Variants in DYNC1H1 observed in about 807,000 individuals in gnomAD.
The protein encoded by DYNC1H1 is cytoplasmic dynein 1 heavy chain 1.
Under a neutral mutation model 527.1 loss-of-function variants are expected in DYNC1H1, and 51 were observed. That is an observed-to-expected ratio of 0.10 (90% CI 0.08 to 0.12). The LOEUF is 0.12. Ranked by LOEUF, DYNC1H1 falls within the 10% of genes least tolerant of loss-of-function variation. The probability of loss-of-function intolerance (pLI) is 1.00; values close to 1 mark genes in which losing one functional copy is unlikely to be tolerated. For missense variants in DYNC1H1, 2,771 were observed against 5,971.8 expected, an observed-to-expected ratio of 0.46 and a Z score of 17.66; for synonymous variants, 2,189 against 2,278.8, an observed-to-expected ratio of 0.96 and a Z score of 1.12.
rs2047640292 is a variant in DYNC1H1, at chr14:101,964,612, C to T, written c.-80C>T. 2 of 1,532,680 alleles carry T rather than the reference C, an allele frequency of 1.3e-6. No individual in the cohort carries two copies. The highest frequency in any genetic ancestry group is 1.2e-5 in the South Asian group (1 of 83,976). The allele number at this position is 1,532,680 out of a possible 1,614,324, so 94.9% of individuals were successfully genotyped here. On this transcript the variant is annotated 5_prime_UTR_variant, in exon 1 of 78. Transcript: ENST00000360184. This position sits in a 1 kb window ranked among gnomAD's most constrained non-coding sequence, Gnocchi z 5.5. ...TAGCGGACGGTCCGGCTTCCGGCGG[C>T]CGTTTCTGTCTCTTGCTGGCTGTCT...
intron 41 of DYNC1H1, 65 bp from the exon 42 acceptor site, chr14:102,019,823 TTTACC>T (rs2048365087): frequency 2.5e-6 from 4 of 1,597,456 alleles, no homozygotes; most frequent in Non-Finnish European, 3.4e-6. Context: ...TTTGCCACAT[TTTACC>T]TTTTGACCAC....
Position 102,045,154 on chromosome 14 carries a change from TTAGG to T in DYNC1H1, c.13006+458_13006+461del. 3 of 226,140 alleles carry T rather than the reference TTAGG, an allele frequency of 1.3e-5. No homozygotes were observed. The South Asian group carries it at 1.9e-4, about 14-fold the overall frequency. The allele number at this position is 226,140 out of a possible 1,614,324, so 14.0% of individuals were successfully genotyped here. A position where few individuals can be genotyped will look rare whatever the true frequency, so the allele number is the denominator to read the frequency against. ...CTCGTCTCTACTAAAAATACAAAAA[TTAGG>T]TGAGCATGGTGGCAGGCACCTGTAA... On this transcript the variant is annotated intron_variant, in intron 72 of 77. Coordinates refer to ENST00000360184, the MANE Select transcript of DYNC1H1 (RefSeq NM_001376.5).
chr14:101,976,026 G>C (rs957929891), intron 2 of DYNC1H1, among the ~76,000 whole-genome samples: 2 of 151,234 alleles, frequency 1.3e-5, no homozygotes, highest in African/African-American at 4.9e-5. Flanking sequence ...TCCTGCCTCA[G>C]CCTTCCAGGT....
intron 29 of DYNC1H1, 94 bp downstream of exon 29, chr14:102,008,431 G>C: frequency 6.6e-7 from 1 of 1,509,656 alleles, no homozygotes; most frequent in South Asian, 1.2e-5. Flanking sequence ...AAATAAGCAA[G>C]AATTTAGCTC....
chr14:101,974,898 C>A (rs1000478969), intron 1 of DYNC1H1, among the ~76,000 whole-genome samples: 3 of 152,194 alleles, frequency 2.0e-5, no homozygotes, highest in Admixed American at 1.3e-4. Flanking sequence ...GTGGTCTCTG[C>A]CTTCCAAGAG....
chr14:102,048,339 G>T, intron 73 of DYNC1H1, 177 bp from the exon 74 acceptor site: 1 of 908,016 alleles, frequency 1.1e-6, no homozygotes. Flanking sequence ...GGGTTTCTGA[G>T]CAGCCTCAGC....
rs2152603300 is a variant in DYNC1H1 at position 102,054,353 on chromosome 14, G to C, written c.*3790G>C. 6.6e-6 allele frequency: 1 copy of C among 152,330 alleles called. No homozygotes were observed. Among genetic ancestry groups the C allele is most frequent in the East Asian group, 1.9e-4 (1 of 5,174 alleles). 9.4% of individuals were successfully genotyped at this position (152,330 alleles called of 1,614,324 possible). On this transcript the variant is annotated 3_prime_UTR_variant, in exon 78 of 78. Coordinates refer to ENST00000360184, the MANE Select transcript of DYNC1H1 (RefSeq NM_001376.5). ...TCCAGGGCCTGAAGGGCGTTCTGGG[G>C]AGCCTCCACCTTCACACCGAAGGCC...
chr14:102,049,531 G>A lies in DYNC1H1; in HGVS notation c.13464G>A (p.Gln4488=). The A allele has an allele frequency of 1.2e-6, 2 of 1,614,180 alleles. No individual in the cohort carries two copies. The highest frequency in any genetic ancestry group is 1.3e-5 in the African/African-American group (1 of 75,062). ...WVSDFSERIK[Q]LQNISLAAAS... is the part of the protein sequence containing the mutation. ...CCGACTTCAGCGAGAGGATCAAACA[G>A]CTGCAGAACATCTCACTGGCAGCTG... The change falls in exon 75 of 78, where the codon CAG becomes CAA. Residue 4488 remains glutamine (Q), a synonymous_variant. Transcript: ENST00000360184. This position sits in a 1 kb window ranked among gnomAD's most constrained non-coding sequence, Gnocchi z 5.5.
intron 11 of DYNC1H1, among the ~76,000 whole-genome samples, chr14:101,992,478 G>A (rs1445959444): frequency 3.3e-5 from 5 of 152,106 alleles, no homozygotes; most frequent in South Asian, 2.1e-4. Context: ...TTAACCAGCC[G>A]TGTTTCTATT....
chr14:102,050,809 C>G lies in DYNC1H1; in HGVS notation c.*246C>G. On this transcript the variant is annotated 3_prime_UTR_variant, in exon 78 of 78. Transcript: ENST00000360184. ...TAAGCATGAGCCGGCTCCGCCTCTT[C>G]TGTCTCCGCTTTCATCCCAGGGCAC... 1.9e-6 allele frequency: 1 copy of G among 513,270 alleles called. No individual in the cohort carries two copies. Among genetic ancestry groups the G allele is most frequent in the Admixed American group, 3.0e-5 (1 of 32,940 alleles). The allele number at this position is 513,270 out of a possible 1,614,324, so 31.8% of individuals were successfully genotyped here.
intron 23 of DYNC1H1, among the ~76,000 whole-genome samples, chr14:102,004,010 G>C (rs1340614044): frequency 6.6e-6 from 1 of 151,984 alleles, no homozygotes; most frequent in African/African-American, 2.4e-5. Flanking sequence ...GGGTGGCCGA[G>C]GCGGGCGGAT....
chr14:102,033,019 T>TG lies in DYNC1H1; in HGVS notation c.10080-45dup. On this transcript the variant is annotated intron_variant, in intron 52 of 77. Transcript: ENST00000360184. The surrounding 1 kb of genome is among the most constrained non-coding windows in gnomAD (Gnocchi z 5.6). The stretch of plus-strand genomic sequence containing the variant: ...TTTTAATTTTATGAAAACTCTTCCT[T>TG]GCTTTTGTCCTGCATGTGTTTAGAA... The TG allele has an allele frequency of 6.3e-7, 1 of 1,580,948 alleles. No homozygotes were observed.
In DYNC1H1 at chr14:102,036,804, C is replaced by A; in HGVS notation, c.10908+162C>A. ...ATAAATTCAACAGAATCATTATTTG[C>A]ATTTAAAATTCTATTCAGTGGTCGG... On this transcript the variant is annotated intron_variant, in intron 57 of 77. Coordinates refer to ENST00000360184, the MANE Select transcript of DYNC1H1 (RefSeq NM_001376.5). The surrounding 1 kb of genome is among the most constrained non-coding windows in gnomAD (Gnocchi z 5.6). 2 of 1,045,830 alleles carry A rather than the reference C, an allele frequency of 1.9e-6. No individual in the cohort carries two copies. The highest frequency in any genetic ancestry group is 2.9e-6 in the Non-Finnish European group (2 of 700,322). 64.8% of individuals were successfully genotyped at this position (1,045,830 alleles called of 1,614,324 possible).
At position 102,047,753 on chromosome 14, in the gene DYNC1H1, C is replaced by T. The variant is rs74081916; in HGVS notation, c.13007-64C>T. ...TGGCCTTTACGTTCAAGTCCCTTTT[C>T]CCTCTGTGATTTCTTGCCCGTCCCC... On this transcript the variant is annotated intron_variant, in intron 72 of 77. Coordinates refer to ENST00000360184, the MANE Select transcript of DYNC1H1 (RefSeq NM_001376.5). 2,506 of 1,601,554 alleles carry T rather than the reference C, an allele frequency of 1.6e-3. 33 individuals carry two copies. In the African/African-American group the frequency reaches 0.029, roughly 18 times the overall value.
In DYNC1H1 at chr14:101,988,802, A is replaced by C. The variant is rs751810989; in HGVS notation, c.2818A>C (p.Thr940Pro). 6.2e-7 allele frequency: 1 copy of C among 1,614,244 alleles called. No individual in the cohort carries two copies. Among genetic ancestry groups the C allele is most frequent in the South Asian group, 1.1e-5 (1 of 91,090 alleles). Residue 940 changes from threonine (T) to proline (P), a missense_variant, in exon 10 of 78, where the codon ACA becomes CCA. Transcript: ENST00000360184. ...AEDKAEVDMD[T>P]DAPQVSHKPG... The stretch of plus-strand genomic sequence containing the variant: ...AGATAAAGCAGAAGTTGACATGGAC[A>C]CAGATGCTCCACAAGTTAGTCACAA...
intron 51 of DYNC1H1, among the ~76,000 whole-genome samples, chr14:102,031,741 G>T (rs549172218): frequency 6.6e-6 from 1 of 152,138 alleles, no homozygotes; most frequent in Non-Finnish European, 1.5e-5. Context: ...GATCACCTGA[G>T]GTCGGGAGTT....
chr14:101,968,856 C>T (rs1331185058), intron 1 of DYNC1H1, among the ~76,000 whole-genome samples: 5 of 152,218 alleles, frequency 3.3e-5, no homozygotes, highest in Non-Finnish European at 5.9e-5. Flanking sequence ...GCCATGACAT[C>T]CAGCCTGAGG....
At position 102,005,802 on chromosome 14, in the gene DYNC1H1, A is replaced by G. The variant is rs1407771899; in HGVS notation, c.5434-86A>G. The G allele has an allele frequency of 4.5e-6, 7 of 1,554,866 alleles. No homozygotes were observed. The highest frequency in any genetic ancestry group is 6.2e-6 in the Non-Finnish European group (7 of 1,128,840). On this transcript the variant is annotated intron_variant, in intron 26 of 77. Transcript: ENST00000360184. The surrounding 1 kb of genome is among the most constrained non-coding windows in gnomAD (Gnocchi z 4.0). ...CATTGTAACTGGACCTAGAACCTCAATTTCAGTTTAACAGTCCACAAACCC... is the reference window on the plus strand; with the variant it reads ...CATTGTAACTGGACCTAGAACCTCAGTTTCAGTTTAACAGTCCACAAACCC...
chr14:102,030,664 G>C (rs1249029950), intron 51 of DYNC1H1: 2 of 300,706 alleles, frequency 6.7e-6, no homozygotes, highest in Non-Finnish European at 1.3e-5. Context: ...AATTGTTTCT[G>C]AGTGTTCTAG....
Sources: gnomAD v4.1 joint callset for allele counts (sites outside exome capture counted in the v4.1 genomes callset) on GRCh38, gnomAD v4.1.1 for gene constraint, Gnocchi (gnomAD v3.1) non-coding constraint, MANE v1.5 for transcripts, NCBI Gene and HGNC (gene_info 2026-07-23, HGNC 2026-07-21) for gene names.